PHACTR1: variants seen among roughly 807,000 people sequenced by gnomAD.
The protein encoded by PHACTR1 is RPEL repeat containing 1.
In PHACTR1, 16 loss-of-function variants were observed where a neutral mutation model predicts 69.2. That is an observed-to-expected ratio of 0.23 (90% CI 0.16 to 0.35). The LOEUF is 0.35. PHACTR1 is among the 10% of genes least tolerant of loss of function. The pLI is 1.00. For synonymous variants in PHACTR1, 312 were observed against 284.5 expected (o/e 1.10, Z -0.97); for missense variants, 510 against 734.7 (o/e 0.69, Z 3.54).
chr6:13,271,862 T>C (rs1405770722), intron 10 of PHACTR1, among the ~76,000 whole-genome samples: 3 of 152,130 alleles, frequency 2.0e-5, no homozygotes, highest in Non-Finnish European at 2.9e-5. Flanking sequence ...TTGCCGACTA[T>C]AGACACCAGT....
intron 4 of PHACTR1, among the ~76,000 whole-genome samples, chr6:13,041,339 TACACACACACACACAC>T (rs368368056): frequency 7.9e-4 from 107 of 135,470 alleles, no homozygotes; most frequent in South Asian, 2.5e-3. Flanking sequence ...TTAAAATACA[TACACACACACACACAC>T]ACACACACAC....
At chr6:13,260,020 C>A (rs1049601286) in intron 10 of PHACTR1, among the ~76,000 whole-genome samples, 2 of 152,150 alleles carry the variant, frequency 1.3e-5, no homozygotes, top group Admixed American at 1.3e-4. Flanking sequence ...TTCCCATACG[C>A]CCAGCATTCT....
At chr6:12,807,422 C>T (rs1419195655) in intron 4 of PHACTR1, among the ~76,000 whole-genome samples, 1 of 152,138 alleles carries the variant, frequency 6.6e-6, no homozygotes, top group East Asian at 1.9e-4. Flanking sequence ...GAGAATTTTT[C>T]ACCAAGAGGG....
chr6:13,126,679 A>T (rs1819583012), intron 5 of PHACTR1, among the ~76,000 whole-genome samples: 1 of 152,252 alleles, frequency 6.6e-6, no homozygotes, highest in Non-Finnish European at 1.5e-5. Flanking sequence ...TCATTTAAAT[A>T]TCGCACCACC....
At position 13,047,035 on chromosome 6, in the gene PHACTR1, C is replaced by T. The variant is rs889974651; in HGVS notation, c.251-6330C>T. Among the ~76,000 whole-genome samples the T allele has an allele frequency of 2.0e-5, 3 of 152,010 alleles. No homozygotes were observed. The East Asian group carries it at 5.8e-4, about 29-fold the overall frequency. On this transcript the variant is annotated intron_variant, in intron 4 of 14. Coordinates refer to ENST00000332995, the MANE Select transcript of PHACTR1 (RefSeq NM_030948.6). ...AGTGACAGTACATTTATAAAAGGGA[C>T]CTTTCTGAATGGCTGGGCACCTGTG...
chr6:13,054,496 A>G (rs1806479643), intron 5 of PHACTR1, among the ~76,000 whole-genome samples: 1 of 152,222 alleles, frequency 6.6e-6, no homozygotes, highest in African/African-American at 2.4e-5. Flanking sequence ...TGGAAGTCCT[A>G]GATCAAGTTG....
chr6:13,080,191 T>TGACCCCC, intron 5 of PHACTR1, among the ~76,000 whole-genome samples: 2 of 152,242 alleles, frequency 1.3e-5, no homozygotes, highest in South Asian at 4.1e-4. Context: ...ACCTGACCCC[T>TGACCCCC]GACCCCCACC....
intron 4 of PHACTR1, among the ~76,000 whole-genome samples, chr6:12,773,139 G>C (rs1769602455): frequency 6.6e-6 from 1 of 152,162 alleles, no homozygotes; most frequent in African/African-American, 2.4e-5. Context: ...GCCAGTCATT[G>C]GTGTTCAATG....
chr6:13,161,048 C>T (rs571120697), intron 6 of PHACTR1, among the ~76,000 whole-genome samples: 76 of 152,008 alleles, frequency 5.0e-4, no homozygotes, highest in Non-Finnish European at 9.1e-4. Flanking sequence ...GATGCAATCA[C>T]GGCTCACTGC....
At chr6:12,767,493 A>G (rs1768781891) in intron 4 of PHACTR1, among the ~76,000 whole-genome samples, 1 of 152,218 alleles carries the variant, frequency 6.6e-6, no homozygotes, top group Non-Finnish European at 1.5e-5. Context: ...ACTTAGAGTA[A>G]ATGCAGGTGT....
intron 5 of PHACTR1, among the ~76,000 whole-genome samples, chr6:13,079,669 A>G (rs923843732): frequency 6.6e-6 from 1 of 152,118 alleles, no homozygotes; most frequent in African/African-American, 2.4e-5. Context: ...CCTGCTTGCA[A>G]TCTAATTATG....
At position 13,013,008 on chromosome 6, in the gene PHACTR1, T is replaced by C. The variant is rs141329742; in HGVS notation, c.251-40357T>C. Among the ~76,000 whole-genome samples, 618 of 152,340 alleles carry C rather than the reference T, an allele frequency of 4.1e-3. 5 individuals are homozygous for C. Among genetic ancestry groups the C allele is most frequent in the African/African-American group, 0.014 (572 of 41,576 alleles). ...GTGAATTGTGATTGTGCCACAACAC[T>C]CTAGCGATAGAGTGACAGCCCATCT... is the stretch of plus-strand genomic sequence containing the variant. On this transcript the variant is annotated intron_variant, in intron 4 of 14. Transcript: ENST00000332995.
chr6:13,112,949 A>G (rs114364798), intron 5 of PHACTR1, among the ~76,000 whole-genome samples: 3,014 of 152,190 alleles, frequency 0.02, 83 homozygotes, highest in African/African-American at 0.069. Flanking sequence ...ATCTTTGCCC[A>G]TTCTTATATT....
At chr6:13,177,588 C>T (rs73371747) in intron 6 of PHACTR1, among the ~76,000 whole-genome samples, 1,776 of 152,220 alleles carry the variant, frequency 0.012, 33 homozygotes, top group African/African-American at 0.041. Context: ...AAAACAACTT[C>T]GGTTAACCAT....
Position 13,110,148 on chromosome 6 carries a change from A to AT in PHACTR1, c.416-50048dup, listed in dbSNP as rs201670552. Among the ~76,000 whole-genome samples the AT allele has an allele frequency of 2.3e-3, 349 of 150,352 alleles. 3 individuals are homozygous for AT. The highest frequency in any genetic ancestry group is 5.9e-3 in the African/African-American group (241 of 40,904). ...TTTCTGCATCTGTTTCTATTGACTG[A>AT]TTTTTTTTCCTGGTTGTGGTTCACG... On this transcript the variant is annotated intron_variant, in intron 5 of 14. Coordinates refer to ENST00000332995, the MANE Select transcript of PHACTR1 (RefSeq NM_030948.6).
rs757009456 is a variant in PHACTR1 at position 13,205,974 on chromosome 6, A to T, written c.824A>T (p.His275Leu). 1.2e-6 allele frequency: 2 copies of T among 1,613,944 alleles called. No individual in the cohort carries two copies. Among genetic ancestry groups the T allele is most frequent in the East Asian group, 2.2e-5 (1 of 44,886 alleles). The change falls in exon 8 of 15, where the codon CAC (histidine) becomes CTC (leucine). Residue 275 changes from histidine to leucine, a missense_variant. By Grantham distance (99) the His-to-Leu change is moderately conservative. Coordinates refer to ENST00000332995, the MANE Select transcript of PHACTR1 (RefSeq NM_030948.6). The part of the protein sequence containing the change: ...KSGQQGVAQH[H>L]HTVLPSQIQH... Reference sequence around the variant, plus strand: ...GGCCAGCAGGGTGTGGCCCAGCACCACCACACTGTCCTGCCCTCCCAGATC... The same window carrying T: ...GGCCAGCAGGGTGTGGCCCAGCACCTCCACACTGTCCTGCCCTCCCAGATC...
intron 4 of PHACTR1, among the ~76,000 whole-genome samples, chr6:13,033,057 AT>A (rs1802708487): frequency 6.6e-6 from 1 of 152,142 alleles, no homozygotes; most frequent in Non-Finnish European, 1.5e-5. Flanking sequence ...CCCCACTCTT[AT>A]GATTTCATTG....
At chr6:13,045,387 A>T (rs1035585063) in intron 4 of PHACTR1, among the ~76,000 whole-genome samples, 2 of 152,156 alleles carry the variant, frequency 1.3e-5, no homozygotes, top group Admixed American at 1.3e-4. Flanking sequence ...ATCATCAATG[A>T]TCATCTTTAC....
rs2127486111 is a variant in PHACTR1 at position 13,283,234 on chromosome 6, C to G, written c.1510-188C>G. The stretch of plus-strand genomic sequence containing the variant: ...TCTCTTAGGACCTAGAAACGTCCCA[C>G]TCCCAAGAGTCAGGAGACTTGGGTC... On this transcript the variant is annotated intron_variant, in intron 12 of 14. Transcript: ENST00000332995. This position sits in a 1 kb window ranked among gnomAD's most constrained non-coding sequence, Gnocchi z 4.7. The G allele has an allele frequency of 1.6e-6, 1 of 620,100 alleles. No homozygotes were observed. 38.4% of individuals were successfully genotyped at this position (620,100 alleles called of 1,614,324 possible).
Sources: allele counts gnomAD v4.1 joint callset (sites outside exome capture counted in the v4.1 genomes callset), GRCh38; gene constraint gnomAD v4.1.1; non-coding constraint Gnocchi (gnomAD v3.1); transcripts MANE v1.5; gene names NCBI Gene and HGNC (gene_info 2026-07-23, HGNC 2026-07-21).